CDH8: variants seen among roughly 807,000 people sequenced by gnomAD.
CDH8 encodes cadherin 8, also known as cadherin-8.
CDH8 carries 17 observed loss-of-function variants against 68.1 expected under a neutral mutation model. The ratio of observed to expected loss-of-function variants is 0.25; its 90% CI spans 0.17 to 0.37. The LOEUF is 0.37. Ranked by LOEUF, CDH8 falls within the 10% of genes least tolerant of loss-of-function variation. The probability of loss-of-function intolerance (pLI) is 1.00; values close to 1 mark genes in which losing one functional copy is unlikely to be tolerated. For synonymous variants in CDH8, 372 were observed against 365.1 expected (o/e 1.02, Z -0.21); for missense variants, 763 against 999.3 (o/e 0.76, Z 3.19).
At chr16:61,843,578 C>G (rs1962734075) in intron 4 of CDH8, among the ~76,000 whole-genome samples, 1 of 152,176 alleles carries the variant, frequency 6.6e-6, no homozygotes, top group Non-Finnish European at 1.5e-5. Flanking sequence ...GTTGTCTCCC[C>G]TGAAATTCCA....
At chr16:61,721,878 C>A (rs887441279) in intron 9 of CDH8, among the ~76,000 whole-genome samples, 1 of 150,712 alleles carries the variant, frequency 6.6e-6, no homozygotes, top group Admixed American at 6.6e-5. Context: ...TCGGTCTCAG[C>A]TTTTATATCT....
intron 10 of CDH8, among the ~76,000 whole-genome samples, chr16:61,662,408 G>T (rs532741472): frequency 2.0e-5 from 3 of 151,438 alleles, no homozygotes; most frequent in Non-Finnish European, 4.4e-5. Context: ...ATACAAGAGA[G>T]AAATTTTTCT....
At chr16:61,811,516 ATCACTATATGATTCTGAAATC>A (rs1961948660) in intron 7 of CDH8, among the ~76,000 whole-genome samples, 2 of 152,188 alleles carry the variant, frequency 1.3e-5, no homozygotes, top group South Asian at 4.1e-4. Flanking sequence ...TAAAAACAGA[ATCACTATATGATTCTGAAATC>A]TCACTTCTGA....
chr16:61,908,658 T>G (rs1046729150), intron 2 of CDH8, among the ~76,000 whole-genome samples: 1 of 152,168 alleles, frequency 6.6e-6, no homozygotes, highest in African/African-American at 2.4e-5. Context: ...TAAAGCATCA[T>G]GTGATGGTGG....
chr16:61,857,843 G>T (rs1206184255), intron 3 of CDH8, among the ~76,000 whole-genome samples: 2 of 151,718 alleles, frequency 1.3e-5, no homozygotes, highest in Non-Finnish European at 2.9e-5. Context: ...TATACAGTTT[G>T]CCTGTTATGG....
intron 7 of CDH8, among the ~76,000 whole-genome samples, chr16:61,816,916 A>G (rs1596992686): frequency 1.3e-5 from 2 of 152,258 alleles, no homozygotes; most frequent in Admixed American, 6.5e-5. Flanking sequence ...TATCTAGGAG[A>G]CACCAAACCA....
intron 9 of CDH8, among the ~76,000 whole-genome samples, chr16:61,715,068 G>A (rs1202361365): frequency 6.6e-6 from 1 of 151,544 alleles, no homozygotes; most frequent in African/African-American, 2.4e-5. Flanking sequence ...CATGTTATAT[G>A]ATAGGCAATT....
intron 10 of CDH8, among the ~76,000 whole-genome samples, chr16:61,701,729 T>C (rs897635949): frequency 3.3e-5 from 5 of 152,204 alleles, no homozygotes; most frequent in African/African-American, 1.2e-4. Flanking sequence ...ATGGTTGATG[T>C]GCAATTTTTT....
intron 7 of CDH8, among the ~76,000 whole-genome samples, chr16:61,804,697 G>A (rs1018570198): frequency 1.0e-4 from 15 of 150,172 alleles, no homozygotes; most frequent in Admixed American, 3.4e-4. Flanking sequence ...ACACCTCTGC[G>A]CAAATAAACT....
At chr16:61,962,834 T>G (rs1003937273) in intron 2 of CDH8, among the ~76,000 whole-genome samples, 2 of 152,244 alleles carry the variant, frequency 1.3e-5, no homozygotes, top group Non-Finnish European at 2.9e-5. Context: ...TACACATTTA[T>G]GTTACTATGC....
intron 2 of CDH8, among the ~76,000 whole-genome samples, chr16:61,950,138 T>C (rs1367064496): frequency 1.3e-5 from 2 of 152,138 alleles, no homozygotes; most frequent in Admixed American, 6.5e-5. Context: ...AAATTATCGA[T>C]AAAGCACTTT....
intron 6 of CDH8, among the ~76,000 whole-genome samples, chr16:61,819,803 T>C (rs1295852439): frequency 6.6e-6 from 1 of 152,036 alleles, no homozygotes; most frequent in African/African-American, 2.4e-5. Context: ...TGAAAAAAAT[T>C]ATTGACTCCC....
intron 10 of CDH8, among the ~76,000 whole-genome samples, chr16:61,656,629 A>G (rs1248031465): frequency 1.3e-5 from 2 of 152,206 alleles, no homozygotes; most frequent in African/African-American, 2.4e-5. Flanking sequence ...GAGAAGATCT[A>G]TAGTGGTTAC....
intron 2 of CDH8, among the ~76,000 whole-genome samples, chr16:62,001,509 A>T (rs74021716): frequency 0.034 from 5,159 of 152,210 alleles, 214 homozygotes; most frequent in African/African-American, 0.093. Context: ...AGGTAAATAC[A>T]CAAGCTATAC....
chr16:61,864,292 C>T (rs538010210), intron 3 of CDH8, among the ~76,000 whole-genome samples: 3 of 146,096 alleles, frequency 2.1e-5, no homozygotes, highest in East Asian at 2.1e-4. Context: ...GCTGGATGTC[C>T]GGTTGGTTGG....
intron 10 of CDH8, among the ~76,000 whole-genome samples, chr16:61,679,405 C>G (rs1057178763): frequency 4.0e-5 from 6 of 151,876 alleles, no homozygotes; most frequent in African/African-American, 1.5e-4. Flanking sequence ...TATCATTATA[C>G]CAATGGAACA....
At chr16:62,017,351 A>T (rs1901966151) in intron 2 of CDH8, among the ~76,000 whole-genome samples, 1 of 152,164 alleles carries the variant, frequency 6.6e-6, no homozygotes. Context: ...GAACAATTAC[A>T]TTTTAGAAGA....
chr16:61,843,490 T>C (rs895950705), intron 4 of CDH8, among the ~76,000 whole-genome samples: 1 of 152,172 alleles, frequency 6.6e-6, no homozygotes, highest in Non-Finnish European at 1.5e-5. Context: ...GTCAAGGTCA[T>C]GCAACTAGGA....
At chr16:61,882,645 C>G (rs561550843) in intron 3 of CDH8, among the ~76,000 whole-genome samples, 6 of 152,152 alleles carry the variant, frequency 3.9e-5, no homozygotes, top group Non-Finnish European at 8.8e-5. Context: ...ACCGCATATT[C>G]TCACTTATAA....
Sources: allele counts gnomAD v4.1 joint callset (sites outside exome capture counted in the v4.1 genomes callset), GRCh38; gene constraint gnomAD v4.1.1; transcripts MANE v1.5; gene names NCBI Gene and HGNC (gene_info 2026-07-23, HGNC 2026-07-21).